Variants in NTN1 observed in about 807,000 individuals in gnomAD.
NTN1 encodes the protein netrin 1.
A neutral mutation model predicts 54.2 loss-of-function variants in NTN1; 11 were observed. The ratio of observed to expected loss-of-function variants is 0.20; its 90% confidence interval spans 0.13 to 0.34. The LOEUF (loss-of-function observed/expected upper bound fraction) is 0.34. NTN1 is among the 10% of genes least tolerant of loss of function. NTN1 has a pLI of 1.00. For missense variants in NTN1, 740 were observed against 893.1 expected (o/e 0.83, Z 2.18); for synonymous variants, 371 against 382.0 (o/e 0.97, Z 0.33).
chr17:9,160,474 C>A (rs77202704), intron 2 of NTN1, among the ~76,000 whole-genome samples: 3,188 of 152,016 alleles, frequency 0.021, 50 homozygotes, highest in Non-Finnish European at 0.027. Flanking sequence ...TGAAAAAAAA[C>A]CCCCACAAAA....
chr17:9,240,050 A>T lies in NTN1; in HGVS notation c.*82A>T. The T allele has an allele frequency of 1.4e-6, 1 of 738,706 alleles. No individual in the cohort carries two copies. Among genetic ancestry groups the T allele is most frequent in the Non-Finnish European group, 1.6e-6 (1 of 609,442 alleles). 45.8% of individuals were successfully genotyped at this position (738,706 alleles called of 1,614,324 possible). On this transcript the variant is annotated 3_prime_UTR_variant, in exon 7 of 7. Transcript: ENST00000173229. ...GGGCGCCTTGGCCCGGCCGCCGCGGACTTGGCCCGCGAGGGCTTTCCCAGG... is the reference window on the plus strand; with the variant it reads ...GGGCGCCTTGGCCCGGCCGCCGCGGTCTTGGCCCGCGAGGGCTTTCCCAGG...
intron 2 of NTN1, among the ~76,000 whole-genome samples, chr17:9,142,563 AG>A: frequency 1.3e-5 from 2 of 150,396 alleles, no homozygotes; most frequent in South Asian, 4.3e-4. Context: ...AGATGATGGG[AG>A]GGGGGTGGAG....
intron 2 of NTN1, among the ~76,000 whole-genome samples, chr17:9,079,067 A>T (rs1475843656): frequency 6.6e-6 from 1 of 152,020 alleles, no homozygotes; most frequent in Non-Finnish European, 1.5e-5. Flanking sequence ...GTTCTGGGGG[A>T]GAAGACCCAT....
At chr17:9,214,890 G>T (rs973233516) in intron 5 of NTN1, among the ~76,000 whole-genome samples, 5 of 152,202 alleles carry the variant, frequency 3.3e-5, no homozygotes, top group Non-Finnish European at 4.4e-5. Context: ...CAGTTTTTCA[G>T]TAGAGCAGTT....
intron 2 of NTN1, among the ~76,000 whole-genome samples, chr17:9,041,985 G>C (rs1328766868): frequency 1.3e-5 from 2 of 151,486 alleles, no homozygotes; most frequent in Non-Finnish European, 2.9e-5. Flanking sequence ...CTCCAGCCTG[G>C]GCGACAGAGT....
In NTN1 at chr17:9,212,213, G is replaced by T. The variant is rs1905121638; in HGVS notation, c.1412-8955G>T. 6.6e-6 allele frequency among the ~76,000 whole-genome samples: 1 copy of T among 152,186 alleles called. No homozygotes were observed. Among genetic ancestry groups the T allele is most frequent in the Non-Finnish European group, 1.5e-5 (1 of 68,032 alleles). ...ACAGGTGGCTCTACCCCTGGATGAG[G>T]TGCTGTTGGTGAGGGTGGTAAGAAG... On this transcript the variant is annotated intron_variant, in intron 5 of 6. Transcript: ENST00000173229. The surrounding 1 kb of genome is among the most constrained non-coding windows in gnomAD (Gnocchi z 5.5).
the NTN1 span, among the ~76,000 whole-genome samples, chr17:9,015,375 C>T: frequency 1.3e-5 from 2 of 152,252 alleles, no homozygotes; most frequent in African/African-American, 4.8e-5. Context: ...CGTGCCACTG[C>T]ACTCCAGCCT....
At chr17:9,163,429 A>C (rs910226859) in intron 3 of NTN1, among the ~76,000 whole-genome samples, 2 of 146,996 alleles carry the variant, frequency 1.4e-5, no homozygotes, top group Non-Finnish European at 3.0e-5. Context: ...AAATGCACGC[A>C]GACTCACTTC....
At chr17:9,229,959 C>T (rs1406574958) in intron 6 of NTN1, among the ~76,000 whole-genome samples, 2 of 152,044 alleles carry the variant, frequency 1.3e-5, no homozygotes, top group African/African-American at 4.8e-5. Context: ...TGTCCAGTCG[C>T]TCAGGCTGGG....
rs145501658 is a variant in NTN1 at position 9,187,830 on chromosome 17, C to CA, written c.1411+4872dup. Among the ~76,000 whole-genome samples the CA allele has an allele frequency of 5.9e-3, 854 of 144,984 alleles. 3 individuals are homozygous for CA. The highest frequency in any genetic ancestry group is 0.018 in the African/African-American group (718 of 39,424). On this transcript the variant is annotated intron_variant, in intron 5 of 6. Transcript: ENST00000173229. ...TGGGTGACAGATTAAGACCACATCTCAAAAAAAAAAAGAAATGAAGTTCTG... is the reference window on the plus strand; with the variant it reads ...TGGGTGACAGATTAAGACCACATCTCAAAAAAAAAAAAGAAATGAAGTTCTG...
At chr17:9,214,588 C>T (rs942667607) in intron 5 of NTN1, among the ~76,000 whole-genome samples, 2 of 152,112 alleles carry the variant, frequency 1.3e-5, no homozygotes, top group African/African-American at 4.8e-5. Flanking sequence ...TTTGGGAGGC[C>T]GAGGCAGGCG....
At chr17:9,014,591 C>T in the NTN1 span, among the ~76,000 whole-genome samples, 3 of 152,200 alleles carry the variant, frequency 2.0e-5, no homozygotes, top group Non-Finnish European at 4.4e-5. Flanking sequence ...CTGTCCAAGT[C>T]AAGTTCTTTC....
At chr17:9,059,061 A>G (rs899795776) in intron 2 of NTN1, among the ~76,000 whole-genome samples, 10 of 152,228 alleles carry the variant, frequency 6.6e-5, no homozygotes, top group Admixed American at 2.0e-4. Flanking sequence ...TCATACACGT[A>G]AAGTGCATAG....
chr17:9,062,975 G>A (rs9303235), intron 2 of NTN1, among the ~76,000 whole-genome samples: 139,790 of 152,320 alleles, frequency 0.92, 64,263 homozygotes, highest in East Asian at 1. Flanking sequence ...TTGAGCTTCT[G>A]CTTTTCCTAT....
intron 2 of NTN1, among the ~76,000 whole-genome samples, chr17:9,029,715 C>T (rs964263841): frequency 2.0e-5 from 3 of 152,114 alleles, no homozygotes; most frequent in Admixed American, 6.5e-5. Context: ...TATCATTGGC[C>T]GGGCGCGGTG....
At chr17:9,116,002 C>G (rs966502983) in intron 2 of NTN1, among the ~76,000 whole-genome samples, 2 of 152,246 alleles carry the variant, frequency 1.3e-5, no homozygotes, top group African/African-American at 2.4e-5. Flanking sequence ...CTTTCAACCT[C>G]TCTGCATTTG....
At chr17:9,074,364 C>T (rs2092042334) in intron 2 of NTN1, among the ~76,000 whole-genome samples, 1 of 152,348 alleles carries the variant, frequency 6.6e-6, no homozygotes, top group Non-Finnish European at 1.5e-5. Context: ...TTGGGCTGAA[C>T]TCCTCACCTG....
intron 4 of NTN1, 48 bp downstream of exon 4, chr17:9,180,004 C>T (rs1251452896): frequency 1.9e-6 from 3 of 1,576,276 alleles, no homozygotes; most frequent in Non-Finnish European, 1.7e-6. Context: ...TTGTGGGGGA[C>T]AGTGAGCTTT....
At chr17:9,226,376 G>A (rs969214656) in intron 6 of NTN1, among the ~76,000 whole-genome samples, 9 of 151,806 alleles carry the variant, frequency 5.9e-5, no homozygotes, top group Admixed American at 1.3e-4. Context: ...TGTGCCCCCC[G>A]CCCACAGCAG....
Sources: allele counts gnomAD v4.1 joint callset (sites outside exome capture counted in the v4.1 genomes callset), GRCh38; gene constraint gnomAD v4.1.1; non-coding constraint Gnocchi (gnomAD v3.1); transcripts MANE v1.5; gene names NCBI Gene and HGNC (gene_info 2026-07-23, HGNC 2026-07-21).